Variants in TENM1 observed in about 807,000 individuals in gnomAD.
TENM1 encodes the protein teneurin transmembrane protein 1.
Under a neutral mutation model 174.8 loss-of-function variants are expected in TENM1, and 35 were observed. The ratio of observed to expected loss-of-function variants is 0.20; its 90% CI spans 0.15 to 0.27. The LOEUF is 0.27. Among genes scored for constraint, TENM1 ranks in the 10% least tolerant of loss-of-function variants. The probability of loss-of-function intolerance (pLI) is 1.00; values close to 1 mark genes in which losing one functional copy is unlikely to be tolerated. For synonymous variants in TENM1, 781 were observed against 798.7 expected, an observed-to-expected ratio of 0.98 and a Z score of 0.37; for missense variants, 1,633 against 2,130.1, an observed-to-expected ratio of 0.77 and a Z score of 4.59.
At chrX:124,664,679 G>GGGGTGTGT (rs776187636) in intron 6 of TENM1, among the ~76,000 whole-genome samples, 2 of 86,970 alleles carry the variant, frequency 2.3e-5, no homozygotes, top group African/African-American at 8.6e-5. Flanking sequence ...GTACTTGTGG[G>GGGGTGTGT]GTGTGTGTGT....
In TENM1 at chrX:124,619,243, T is replaced by C. The variant is rs750832843; in HGVS notation, c.2077+22548A>G. Among the ~76,000 whole-genome samples the C allele has an allele frequency of 3.6e-5, 4 of 112,188 alleles. No individual in the cohort carries two copies. The East Asian group carries it at 1.1e-3, about 31-fold the overall frequency. On this transcript the variant is annotated intron_variant, in intron 11 of 31. Transcript: ENST00000422452. Reference sequence around the variant, plus strand: ...TCGTGAGACGGTAACCCCTAATATCTCTTTAATAAATACTTTTCTGTACTT... The same window carrying C: ...TCGTGAGACGGTAACCCCTAATATCCCTTTAATAAATACTTTTCTGTACTT...
the TENM1 span, among the ~76,000 whole-genome samples, chrX:125,049,736 A>C: frequency 1.8e-5 from 2 of 111,307 alleles, no homozygotes; most frequent in African/African-American, 3.3e-5. Flanking sequence ...TGTGTGACAT[A>C]GTATCTCTTC....
chrX:124,676,257 A>T (rs1227184169), intron 5 of TENM1, among the ~76,000 whole-genome samples: 4 of 22,957 alleles, frequency 1.7e-4, no homozygotes, highest in African/African-American at 3.0e-4. Context: ...ACATATATAA[A>T]ATATATATAT....
In TENM1 at chrX:124,561,920, T is replaced by C. The variant is rs1966214028; in HGVS notation, c.2288-103A>G. Reference sequence around the variant, plus strand: ...GAAGCATCTAACCATCTGGGCCCCATTCAGATGAGGTGTTGAATAAATGGA... The same window carrying C: ...GAAGCATCTAACCATCTGGGCCCCACTCAGATGAGGTGTTGAATAAATGGA... On this transcript the variant is annotated intron_variant, in intron 13 of 31. Transcript: ENST00000422452. 7 of 816,302 alleles carry C rather than the reference T, an allele frequency of 8.6e-6. No homozygotes were observed. The Admixed American group carries it at 1.7e-4, about 20-fold the overall frequency. 67.3% of individuals were successfully genotyped at this position (816,302 alleles called of 1,213,427 possible).
In TENM1 at chrX:124,646,641, C is replaced by T. The variant is rs190101559; in HGVS notation, c.1681+68G>A. The T allele has an allele frequency of 3.8e-4, 291 of 771,165 alleles. 1 individual carries two copies. In the African/African-American group the frequency reaches 5.3e-3, roughly 14 times the overall value. The allele number at this position is 771,165 out of a possible 1,213,427, so 63.6% of individuals were successfully genotyped here. ...CTAATGTTACTTACTATGACTATTA[C>T]TACTAATTCTGGGTTATGAAATCAC... On this transcript the variant is annotated intron_variant, in intron 9 of 31. Transcript: ENST00000422452.
chrX:125,011,335 A>T, the TENM1 span, among the ~76,000 whole-genome samples: 1 of 112,207 alleles, frequency 8.9e-6, no homozygotes, highest in East Asian at 2.8e-4. Flanking sequence ...TGACAAATGG[A>T]TCTAATTAAA....
At chrX:124,445,152 T>C (rs2060952684) in intron 23 of TENM1, among the ~76,000 whole-genome samples, 1 of 111,826 alleles carries the variant, frequency 8.9e-6, no homozygotes, top group Admixed American at 9.5e-5. Context: ...CACTAGTAGA[T>C]TGATCTCATA....
In TENM1 at chrX:124,453,423, T is replaced by A. The variant is rs1016255994; in HGVS notation, c.4018A>T (p.Asn1340Tyr). ...CCGATTACAGTTGTGATCACAGCAT[T>A]CTCATCAATTTTGCGAATCATAGTC... Residue 1340 changes from asparagine to tyrosine, a missense_variant, in exon 23 of 32, where the codon AAT becomes TAT. By Grantham distance (143) the Asn-to-Tyr change is moderately radical. This residue lies in a region of TENM1 where 807 missense variants were observed against 1,125.3 expected (regional missense o/e 0.72). Transcript: ENST00000422452. The A allele has an allele frequency of 8.3e-7, 1 of 1,210,356 alleles. No homozygotes were observed. The highest frequency in any genetic ancestry group is 2.2e-5 in the Admixed American group (1 of 45,930).
the TENM1 span, among the ~76,000 whole-genome samples, chrX:125,095,676 C>A: frequency 1.8e-5 from 2 of 111,384 alleles, no homozygotes; most frequent in Non-Finnish European, 3.8e-5. Context: ...GCAAATATAC[C>A]GAAACCATAC....
At chrX:124,465,397 T>C (rs1282379639) in intron 22 of TENM1, among the ~76,000 whole-genome samples, 2 of 110,919 alleles carry the variant, frequency 1.8e-5, no homozygotes, top group Admixed American at 1.9e-4. Context: ...CACAGGTGCA[T>C]AACACCACAC....
chrX:124,955,802 C>CAA (rs1308807999), intron 1 of TENM1, among the ~76,000 whole-genome samples: 20 of 107,608 alleles, frequency 1.9e-4, no homozygotes, highest in African/African-American at 6.9e-4. Flanking sequence ...CGCACGCACA[C>CAA]ACACACACAC....
At chrX:124,715,750 G>A (rs990186302) in intron 4 of TENM1, among the ~76,000 whole-genome samples, 1 of 109,209 alleles carries the variant, frequency 9.2e-6, no homozygotes, top group Non-Finnish European at 1.9e-5. Context: ...CACCTCCCGG[G>A]TTCAAGCGTT....
chrX:125,004,536 G>A, the TENM1 span, among the ~76,000 whole-genome samples: 4 of 111,991 alleles, frequency 3.6e-5, no homozygotes, highest in East Asian at 2.8e-4. Context: ...TAAAATCAAC[G>A]TCTGTATTAG....
the TENM1 span, among the ~76,000 whole-genome samples, chrX:125,095,614 C>A: frequency 8.9e-6 from 1 of 111,945 alleles, no homozygotes; most frequent in East Asian, 2.8e-4. Context: ...TACTAATTAG[C>A]GTATACAACT....
At chrX:124,602,190 A>G (rs1409123578) in intron 11 of TENM1, among the ~76,000 whole-genome samples, 1 of 111,245 alleles carries the variant, frequency 9.0e-6, no homozygotes, top group Non-Finnish European at 1.9e-5. Context: ...AAGGACAGCT[A>G]TCCCATAGTG....
At chrX:124,645,408 T>A in intron 9 of TENM1, 71 bp from the exon 13 acceptor site, 1 of 1,043,383 alleles carries the variant, frequency 9.6e-7, no homozygotes, top group Non-Finnish European at 1.3e-6. Context: ...AATTCTCTAT[T>A]GATTTTCGTA....
chrX:124,895,649 A>G (rs1396917446), intron 2 of TENM1, among the ~76,000 whole-genome samples: 1 of 112,317 alleles, frequency 8.9e-6, no homozygotes, highest in Non-Finnish European at 1.9e-5. Flanking sequence ...AAATTTGGAC[A>G]TTCTATAATA....
chrX:124,882,489 C>G (rs1382346265), intron 3 of TENM1, among the ~76,000 whole-genome samples: 2 of 111,763 alleles, frequency 1.8e-5, no homozygotes, highest in Middle Eastern at 4.6e-3. Flanking sequence ...AGTCTATCAA[C>G]TATTAATCTA....
At chrX:124,971,574 C>CAT in the TENM1 span, among the ~76,000 whole-genome samples, 1 of 111,580 alleles carries the variant, frequency 9.0e-6, no homozygotes, top group African/African-American at 3.3e-5. Context: ...TAACTGAAGC[C>CAT]ATATAAAGAT....
Sources: allele counts gnomAD v4.1 joint callset (sites outside exome capture counted in the v4.1 genomes callset), GRCh38; gene constraint gnomAD v4.1.1; regional missense constraint gnomAD v4.1.1; transcripts MANE v1.5; gene names NCBI Gene and HGNC (gene_info 2026-07-23, HGNC 2026-07-21).